Variants in NIBAN1 observed in about 807,000 individuals in gnomAD.
NIBAN1 encodes the protein niban apoptosis regulator 1.
A neutral mutation model predicts 75.1 loss-of-function variants in NIBAN1; 81 were observed. The observed-to-expected ratio is 1.08, with a 90% CI of 0.90 to 1.30. NIBAN1 has a LOEUF of 1.30. NIBAN1 is among the 50% of genes most tolerant of loss of function. The pLI, the probability that NIBAN1 is intolerant of heterozygous loss-of-function variation, is 0.00. For synonymous variants in NIBAN1, 436 were observed against 424.8 expected, an observed-to-expected ratio of 1.03 and a Z score of -0.32; for missense variants, 1,133 against 1,128.1, an observed-to-expected ratio of 1.00 and a Z score of -0.06.
At chr1:184,832,248 T>A (rs921711131) in intron 5 of NIBAN1, among the ~76,000 whole-genome samples, 3 of 152,160 alleles carry the variant, frequency 2.0e-5, no homozygotes, top group Non-Finnish European at 2.9e-5. Context: ...CATGCTCCCC[T>A]ATCCACCCAC....
chr1:184,951,017 A>T (rs771775130), intron 1 of NIBAN1, among the ~76,000 whole-genome samples: 1 of 152,240 alleles, frequency 6.6e-6, no homozygotes, highest in Non-Finnish European at 1.5e-5. Context: ...GATATAAGCC[A>T]TACAGCAAAC....
intron 1 of NIBAN1, among the ~76,000 whole-genome samples, chr1:184,962,632 A>G (rs533687909): frequency 6.6e-6 from 1 of 152,294 alleles, no homozygotes; most frequent in Admixed American, 6.5e-5. Context: ...TGAACCTAAA[A>G]CATCTTGACA....
intron 5 of NIBAN1, among the ~76,000 whole-genome samples, chr1:184,842,462 C>T (rs1259335537): frequency 2.0e-5 from 3 of 152,290 alleles, no homozygotes; most frequent in East Asian, 3.9e-4. Context: ...ATCAGAATCA[C>T]TTGTGGTAAG....
chr1:184,824,819 C>T (rs769969614), intron 6 of NIBAN1, among the ~76,000 whole-genome samples: 1 of 152,060 alleles, frequency 6.6e-6, no homozygotes, highest in Admixed American at 6.5e-5. Context: ...TAGAATGTCT[C>T]CGAAGCTGGA....
Position 184,795,833 on chromosome 1 carries a change from C to A in NIBAN1, c.1931G>T (p.Gly644Val). The change falls in exon 14 of 14, where the codon GGG becomes GTG. Residue 644 changes from glycine to valine, a missense_variant. Coordinates refer to ENST00000367511, the MANE Select transcript of NIBAN1 (RefSeq NM_052966.4). ...LAKGESLSLP[G>V]PSPPPDGTEQ... ...AGTCCCATCTGGGGGTGGGCTTGGC[C>A]CAGGGAGAGAAAGGCTTTCTCCTTT... The A allele has an allele frequency of 6.2e-7, 1 of 1,609,444 alleles. No homozygotes were observed. The highest frequency in any genetic ancestry group is 8.5e-7 in the Non-Finnish European group (1 of 1,177,334).
At chr1:184,840,348 T>A (rs1655249031) in intron 5 of NIBAN1, among the ~76,000 whole-genome samples, 1 of 152,092 alleles carries the variant, frequency 6.6e-6, no homozygotes, top group Non-Finnish European at 1.5e-5. Context: ...CACAGCCCTA[T>A]CAGAAGGAGA....
chr1:184,964,089 G>C (rs1410384900), intron 1 of NIBAN1, among the ~76,000 whole-genome samples: 2 of 151,318 alleles, frequency 1.3e-5, no homozygotes, highest in Non-Finnish European at 2.9e-5. Flanking sequence ...GGAACCAAGA[G>C]CCATACATTT....
At chr1:184,829,966 A>G (rs1654952004) in intron 6 of NIBAN1, among the ~76,000 whole-genome samples, 1 of 152,156 alleles carries the variant, frequency 6.6e-6, no homozygotes, top group Admixed American at 6.5e-5. Context: ...GCATTTGTCC[A>G]CTTAGCATGT....
chr1:184,915,292 C>T lies in NIBAN1; in HGVS notation c.56-15983G>A, dbSNP rs555790545. On this transcript the variant is annotated intron_variant, in intron 1 of 13. Coordinates refer to ENST00000367511, the MANE Select transcript of NIBAN1 (RefSeq NM_052966.4). ...AATATCTTCCTCCAGGAGATTCTTACGATGAGGCCAGTTTGTTATATTCAA... is the reference window on the plus strand; with the variant it reads ...AATATCTTCCTCCAGGAGATTCTTATGATGAGGCCAGTTTGTTATATTCAA... Among the ~76,000 whole-genome samples, 55 of 152,292 alleles carry T rather than the reference C, an allele frequency of 3.6e-4. No homozygotes were observed. The South Asian group carries it at 0.011, about 29-fold the overall frequency.
chr1:184,957,115 G>A (rs1658510331), intron 1 of NIBAN1, among the ~76,000 whole-genome samples: 1 of 152,214 alleles, frequency 6.6e-6, no homozygotes, highest in African/African-American at 2.4e-5. Flanking sequence ...AGCTATCAAT[G>A]TGATATCACT....
Position 184,938,285 on chromosome 1 carries a change from A to G in NIBAN1, c.55+36017T>C, listed in dbSNP as rs111305958. Among the ~76,000 whole-genome samples the G allele has an allele frequency of 8.6e-3, 1,308 of 152,258 alleles. 15 individuals carry two copies. Among genetic ancestry groups the G allele is most frequent in the South Asian group, 0.021 (100 of 4,822 alleles). On this transcript the variant is annotated intron_variant, in intron 1 of 13. Coordinates refer to ENST00000367511, the MANE Select transcript of NIBAN1 (RefSeq NM_052966.4). ...CATGGAAATGAATAAGAAAGAAGGA[A>G]TATCAAAGACATTTTGGAGTAAGAA...
Position 184,942,624 on chromosome 1 carries a change from G to T in NIBAN1, c.55+31678C>A, listed in dbSNP as rs1275730914. Among the ~76,000 whole-genome samples the T allele has an allele frequency of 3.6e-4, 55 of 151,890 alleles. 1 individual carries two copies. Among genetic ancestry groups the T allele is most frequent in the Admixed American group, 3.6e-3 (55 of 15,268 alleles). On this transcript the variant is annotated intron_variant, in intron 1 of 13. Coordinates refer to ENST00000367511, the MANE Select transcript of NIBAN1 (RefSeq NM_052966.4). Reference sequence around the variant, plus strand: ...CAGGAGAATGGCGTGAACCCGGGAGGCGGAGCTTGCACTGAGCCCAGATTG... The same window carrying T: ...CAGGAGAATGGCGTGAACCCGGGAGTCGGAGCTTGCACTGAGCCCAGATTG...
At chr1:184,946,863 C>A (rs571580666) in intron 1 of NIBAN1, among the ~76,000 whole-genome samples, 53 of 152,100 alleles carry the variant, frequency 3.5e-4, no homozygotes, top group African/African-American at 1.2e-3. Flanking sequence ...CACCTGAGGT[C>A]GGGAGTTTGA....
At chr1:184,903,268 G>T (rs2101993953) in intron 1 of NIBAN1, among the ~76,000 whole-genome samples, 1 of 152,278 alleles carries the variant, frequency 6.6e-6, no homozygotes. Context: ...AATCCTACTT[G>T]TTTATTACAG....
At chr1:184,922,723 C>T (rs111869879) in intron 1 of NIBAN1, among the ~76,000 whole-genome samples, 2,700 of 152,282 alleles carry the variant, frequency 0.018, 47 homozygotes, top group South Asian at 0.046. Context: ...TCTCCTGCCT[C>T]AGCCTCCCAA....
intron 13 of NIBAN1, 21 bp downstream of exon 13, chr1:184,798,058 G>A: frequency 1.3e-6 from 2 of 1,531,624 alleles, no homozygotes; most frequent in Non-Finnish European, 1.8e-6. Flanking sequence ...TGTCCCTGCA[G>A]CACCAGGTAA....
intron 1 of NIBAN1, among the ~76,000 whole-genome samples, chr1:184,900,651 T>C (rs1656929698): frequency 6.6e-6 from 1 of 150,942 alleles, no homozygotes; most frequent in Non-Finnish European, 1.5e-5. Flanking sequence ...CTTTAGAGAG[T>C]ATGGAAATTG....
intron 6 of NIBAN1, 81 bp from the exon 7 acceptor site, chr1:184,823,823 T>C (rs1654772387): frequency 2.5e-6 from 3 of 1,202,352 alleles, no homozygotes; most frequent in African/African-American, 1.5e-5. Context: ...AATGTCCTGA[T>C]TGGCTGTCCC....
chr1:184,804,837 G>A (rs1033669679), intron 11 of NIBAN1, among the ~76,000 whole-genome samples: 6 of 150,930 alleles, frequency 4.0e-5, no homozygotes, highest in African/African-American at 1.5e-4. Flanking sequence ...ACCCAGAGCT[G>A]GAGTATAGTG....
Sources: gnomAD v4.1 joint callset for allele counts (sites outside exome capture counted in the v4.1 genomes callset) on GRCh38, gnomAD v4.1.1 for gene constraint, MANE v1.5 for transcripts, NCBI Gene and HGNC (gene_info 2026-07-23, HGNC 2026-07-21) for gene names.